Variants in FAM89A observed in about 807,000 individuals in gnomAD.
FAM89A encodes family with sequence similarity 89 member A, also known as protein FAM89A.
A neutral mutation model predicts 7.1 loss-of-function variants in FAM89A; 10 were observed. The ratio of observed to expected loss-of-function variants is 1.40; its 90% CI spans 0.86 to 2.38. The LOEUF is 2.38. Ranked by LOEUF, FAM89A falls within the 30% of genes most tolerant of loss-of-function variation. The pLI, the probability that FAM89A is intolerant of heterozygous loss-of-function variation, is 0.00. For synonymous variants in FAM89A, 157 were observed against 129.3 expected, an observed-to-expected ratio of 1.21 and a Z score of -1.45; for missense variants, 276 against 262.8, an observed-to-expected ratio of 1.05 and a Z score of -0.35.
In FAM89A at chr1:231,021,728, G is replaced by T; in HGVS notation, c.292-1602C>A. On this transcript the variant is annotated intron_variant, in intron 1 of 1. Transcript: ENST00000366654. ...GGAAGCAGAACCCATAGAACTCGTG[G>T]AAACTGCTGGAGATGAAATTGTTGA... 21 of 1,600,120 alleles carry T rather than the reference G, an allele frequency of 1.3e-5. 3 individuals carry two copies. The South Asian group carries it at 2.3e-4, about 18-fold the overall frequency.
At chr1:231,029,077 A>G (rs754687251) in intron 1 of FAM89A, among the ~76,000 whole-genome samples, 11 of 152,242 alleles carry the variant, frequency 7.2e-5, no homozygotes, top group Non-Finnish European at 1.5e-4. Flanking sequence ...AAGCAAGGAC[A>G]ATAGAAATAT....
At chr1:231,020,327 T>A (rs7513011) in intron 1 of FAM89A, among the ~76,000 whole-genome samples, 130,175 of 152,190 alleles carry the variant, frequency 0.86, 55,943 homozygotes, top group African/African-American at 0.88. Context: ...ACGTTACTCA[T>A]TGAGTCCAGT....
intron 1 of FAM89A, chr1:231,021,921 G>A (rs1277973978): frequency 6.6e-7 from 1 of 1,516,352 alleles, no homozygotes. Flanking sequence ...TCCAGGGACA[G>A]AGACGTGTAT....
chr1:231,029,869 T>C (rs968331497), intron 1 of FAM89A, among the ~76,000 whole-genome samples: 2 of 152,236 alleles, frequency 1.3e-5, no homozygotes, highest in African/African-American at 2.4e-5. Context: ...AGTGTCTAGT[T>C]TATATCCACA....
intron 1 of FAM89A, among the ~76,000 whole-genome samples, chr1:231,038,936 T>C (rs1680203298): frequency 6.6e-6 from 1 of 152,180 alleles, no homozygotes; most frequent in African/African-American, 2.4e-5. Flanking sequence ...AATTTACCTA[T>C]AGGGAAAGGA....
chr1:231,030,912 C>G (rs999357925), intron 1 of FAM89A, among the ~76,000 whole-genome samples: 1 of 152,142 alleles, frequency 6.6e-6, no homozygotes, highest in Admixed American at 6.5e-5. Context: ...GAGTTCGAGA[C>G]CAGCCTGGAC....
intron 1 of FAM89A, among the ~76,000 whole-genome samples, chr1:231,027,685 T>C (rs1407169583): frequency 6.6e-6 from 1 of 152,212 alleles, no homozygotes; most frequent in Non-Finnish European, 1.5e-5. Context: ...GGAAGATCCG[T>C]AGGCAGCACT....
Position 231,021,652 on chromosome 1 carries a change from A to G in FAM89A, c.292-1526T>C, listed in dbSNP as rs1572353181. On this transcript the variant is annotated intron_variant, in intron 1 of 1. Coordinates refer to ENST00000366654, the MANE Select transcript of FAM89A (RefSeq NM_198552.3). Reference sequence around the variant, plus strand: ...GTCGAGGTGGAGCAATAAATTCTAGACAAGCCCAGAAGCGAACACGGGAAG... The same window carrying G: ...GTCGAGGTGGAGCAATAAATTCTAGGCAAGCCCAGAAGCGAACACGGGAAG... 1.0e-5 allele frequency: 16 copies of G among 1,556,128 alleles called. No homozygotes were observed. The East Asian group carries it at 3.6e-4, about 35-fold the overall frequency.
intron 1 of FAM89A, among the ~76,000 whole-genome samples, chr1:231,036,896 A>G (rs1680164097): frequency 6.6e-6 from 1 of 151,938 alleles, no homozygotes. Context: ...GCCATAATGA[A>G]CCCCACTTTA....
intron 1 of FAM89A, among the ~76,000 whole-genome samples, chr1:231,027,637 G>T (rs1679996762): frequency 6.6e-6 from 1 of 151,914 alleles, no homozygotes; most frequent in Non-Finnish European, 1.5e-5. Flanking sequence ...AGCTGTGGCT[G>T]TTTAAACAGC....
At chr1:231,038,781 GA>G (rs11378044) in intron 1 of FAM89A, among the ~76,000 whole-genome samples, 1 of 151,722 alleles carries the variant, frequency 6.6e-6, no homozygotes, top group Non-Finnish European at 1.5e-5. Context: ...TAATGCTCCT[GA>G]AAAAAAAGTA....
chr1:231,038,340 G>A (rs1049950296), intron 1 of FAM89A, among the ~76,000 whole-genome samples: 1 of 152,214 alleles, frequency 6.6e-6, no homozygotes, highest in Non-Finnish European at 1.5e-5. Flanking sequence ...GGAATGGCAC[G>A]TTGACTCCCA....
At chr1:231,039,765 TG>T (rs947548398) in intron 1 of FAM89A, among the ~76,000 whole-genome samples, 155 bp downstream of exon 1, 2 of 150,964 alleles carry the variant, frequency 1.3e-5, no homozygotes, top group Non-Finnish European at 3.0e-5. Flanking sequence ...GCGAGAAAAA[TG>T]GGGGTCGTTG....
Position 231,019,709 on chromosome 1 carries a change from G to C in FAM89A, c.*154C>G. 1.2e-6 allele frequency: 1 copy of C among 816,584 alleles called. No individual in the cohort carries two copies. Among genetic ancestry groups the C allele is most frequent in the South Asian group, 1.8e-5 (1 of 54,286 alleles). 50.6% of individuals were successfully genotyped at this position (816,584 alleles called of 1,614,324 possible). A position where few individuals can be genotyped will look rare whatever the true frequency, so the allele number is the denominator to read the frequency against. ...CAGACTGCCACCATGCATCCGCGGA[G>C]AACTCCCTGCCTACAAATGAAACTG... On this transcript the variant is annotated 3_prime_UTR_variant, in exon 2 of 2. Transcript: ENST00000366654.
At chr1:231,037,903 T>C (rs1680185479) in intron 1 of FAM89A, among the ~76,000 whole-genome samples, 1 of 152,212 alleles carries the variant, frequency 6.6e-6, no homozygotes, top group Non-Finnish European at 1.5e-5. Context: ...CATTCTACCA[T>C]GACATCTAGT....
At chr1:231,039,390 G>C (rs920890957) in intron 1 of FAM89A, among the ~76,000 whole-genome samples, 1 of 152,242 alleles carries the variant, frequency 6.6e-6, no homozygotes, top group Admixed American at 6.5e-5. Flanking sequence ...TGTGCGCCGG[G>C]GCCATCCCGC....
At chr1:231,022,967 G>C (rs1679905326) in intron 1 of FAM89A, among the ~76,000 whole-genome samples, 1 of 152,140 alleles carries the variant, frequency 6.6e-6, no homozygotes, top group Admixed American at 6.5e-5. Context: ...CACAGGACAT[G>C]CAAGATAAAT....
chr1:231,025,802 G>GA (rs1679958882), intron 1 of FAM89A, among the ~76,000 whole-genome samples: 1 of 151,950 alleles, frequency 6.6e-6, no homozygotes, highest in African/African-American at 2.4e-5. Context: ...ATTTTCTATT[G>GA]AAAAAATAAA....
intron 1 of FAM89A, among the ~76,000 whole-genome samples, chr1:231,023,083 G>C (rs554722656): frequency 9.2e-5 from 14 of 152,280 alleles, no homozygotes; most frequent in South Asian, 4.1e-4. Flanking sequence ...TCTGCCCCCC[G>C]TGTAGATACT....
Sources: allele counts gnomAD v4.1 joint callset (sites outside exome capture counted in the v4.1 genomes callset), GRCh38; gene constraint gnomAD v4.1.1; transcripts MANE v1.5; gene names NCBI Gene and HGNC (gene_info 2026-07-23, HGNC 2026-07-21).